Variants in IL16 observed in about 807,000 individuals in gnomAD.
The protein encoded by IL16 is pro-interleukin-16.
Under a neutral mutation model 110.1 loss-of-function variants are expected in IL16, and 67 were observed. The ratio of observed to expected loss-of-function variants is 0.61; its 90% CI spans 0.50 to 0.75. The LOEUF is 0.75. Ranked by LOEUF, IL16 falls within the 30% of genes least tolerant of loss-of-function variation. IL16 has a pLI of 0.00. For synonymous variants in IL16, 689 were observed against 662.9 expected (o/e 1.04, Z -0.61); for missense variants, 1,545 against 1,655.0 (o/e 0.93, Z 1.15).
chr15:81,218,571 T>G (rs1567000738), intron 1 of IL16, among the ~76,000 whole-genome samples: 1 of 152,228 alleles, frequency 6.6e-6, no homozygotes, highest in Admixed American at 6.5e-5. Flanking sequence ...TTTCTCATCA[T>G]AATTGAGACG....
intron 1 of IL16, among the ~76,000 whole-genome samples, chr15:81,216,123 T>C (rs931072409): frequency 3.3e-5 from 5 of 152,128 alleles, no homozygotes; most frequent in Non-Finnish European, 7.4e-5. Context: ...GGCCAGCGCC[T>C]CCCAGAGGGG....
At chr15:81,271,724 G>C (rs1244070811) in intron 5 of IL16, among the ~76,000 whole-genome samples, 1 of 152,104 alleles carries the variant, frequency 6.6e-6, no homozygotes, top group Admixed American at 6.5e-5. Flanking sequence ...CCCTGAAGGG[G>C]CTCCTACCTC....
At chr15:81,215,584 A>T (rs1896396735) in intron 1 of IL16, among the ~76,000 whole-genome samples, 1 of 152,070 alleles carries the variant, frequency 6.6e-6, no homozygotes, top group South Asian at 2.1e-4. Flanking sequence ...GACCCTTTTG[A>T]TCACCAGTTA....
chr15:81,231,285 A>G (rs924896980), intron 2 of IL16, among the ~76,000 whole-genome samples: 10 of 133,640 alleles, frequency 7.5e-5, no homozygotes, highest in Non-Finnish European at 1.3e-4. Context: ...ACCAGAGGAG[A>G]GGAGGGGAGG....
intron 7 of IL16, among the ~76,000 whole-genome samples, chr15:81,279,235 C>T (rs1472854074): frequency 6.6e-6 from 1 of 152,014 alleles, no homozygotes; most frequent in Non-Finnish European, 1.5e-5. Context: ...TGACTCTATC[C>T]ATCCATCTAT....
intron 3 of IL16, 59 bp downstream of exon 3, chr15:81,259,939 A>T: frequency 9.2e-7 from 1 of 1,086,040 alleles, no homozygotes. Flanking sequence ...GGATAGCAGG[A>T]CTATTGGGAG....
At chr15:81,271,450 G>A (rs1303737995) in intron 5 of IL16, among the ~76,000 whole-genome samples, 1 of 152,106 alleles carries the variant, frequency 6.6e-6, no homozygotes, top group Non-Finnish European at 1.5e-5. Context: ...TCCAGTCTGG[G>A]CAGCAGAGGG....
At chr15:81,280,972 A>G (rs142561423) in intron 8 of IL16, among the ~76,000 whole-genome samples, 22 of 152,320 alleles carry the variant, frequency 1.4e-4, no homozygotes, top group African/African-American at 5.1e-4. Context: ...CTCATTTTAT[A>G]TAATGCAGCT....
chr15:81,283,678 A>G (rs1215181560), intron 9 of IL16, among the ~76,000 whole-genome samples: 1 of 152,246 alleles, frequency 6.6e-6, no homozygotes, highest in East Asian at 1.9e-4. Flanking sequence ...AGGTTAATCT[A>G]TGAATTCTAT....
intron 12 of IL16, 21 bp from the exon 13 acceptor site, chr15:81,296,907 C>T (rs753323445): frequency 5.7e-6 from 9 of 1,580,944 alleles, no homozygotes; most frequent in South Asian, 2.3e-5. Flanking sequence ...GACATGGTCT[C>T]GCTTCCTGTT....
At chr15:81,307,178 G>C (rs1343769805) in intron 18 of IL16, among the ~76,000 whole-genome samples, 2 of 152,142 alleles carry the variant, frequency 1.3e-5, no homozygotes, top group African/African-American at 4.8e-5. Context: ...TGATTCTTTG[G>C]TGTTCCTCAA....
chr15:81,249,859 TTTTC>T lies in IL16; in HGVS notation c.313-9909_313-9906del, dbSNP rs564947353. Among the ~76,000 whole-genome samples, 857 of 152,332 alleles carry T rather than the reference TTTTC, an allele frequency of 5.6e-3. 8 individuals are homozygous for T. The highest frequency in any genetic ancestry group is 0.01 in the Non-Finnish European group (681 of 68,018). ...CATGTTTCTTTACCTCTCTTTTATG[TTTTC>T]TTTATGTTGCCATCTGAGTATTTTG... On this transcript the variant is annotated intron_variant, in intron 2 of 18. Transcript: ENST00000683961.
upstream of IL16, among the ~76,000 whole-genome samples, chr15:81,193,193 T>G (rs1164396992): frequency 1.3e-5 from 2 of 152,158 alleles, no homozygotes; most frequent in East Asian, 3.9e-4. Context: ...CTGAGGATTT[T>G]GGCTTGGGAA....
chr15:81,223,507 T>C (rs1301893591), intron 1 of IL16, among the ~76,000 whole-genome samples: 4 of 152,192 alleles, frequency 2.6e-5, no homozygotes, highest in African/African-American at 9.6e-5. Flanking sequence ...AAGAGCCAGA[T>C]TGCCTGGTTT....
In IL16 at chr15:81,303,645, A is replaced by AT; in HGVS notation, c.3417dup (p.Thr1140TyrfsTer22). 1 of 1,608,110 alleles carries AT rather than the reference A, an allele frequency of 6.2e-7. No individual in the cohort carries two copies. ...AGGAGCAGATCTAGAAAACAAGGTG[A>AT]TTACGGTGAGTGGCCAAGTGAAGGG... On this transcript the variant is annotated frameshift_variant, in exon 16 of 19. Transcript: ENST00000683961. LOFTEE classifies it high-confidence loss of function. The surrounding 1 kb of genome is among the most constrained non-coding windows in gnomAD (Gnocchi z 4.1).
At chr15:81,236,388 A>C (rs1038556447) in intron 2 of IL16, among the ~76,000 whole-genome samples, 2 of 152,176 alleles carry the variant, frequency 1.3e-5, no homozygotes, top group Non-Finnish European at 2.9e-5. Flanking sequence ...CATGACTCCC[A>C]CAGAGCCAGC....
At chr15:81,227,838 G>A (rs927050046) in intron 2 of IL16, among the ~76,000 whole-genome samples, 2 of 152,044 alleles carry the variant, frequency 1.3e-5, no homozygotes, top group Non-Finnish European at 2.9e-5. Context: ...GCCAAGGTAG[G>A]GATTTGTTGA....
intron 12 of IL16, among the ~76,000 whole-genome samples, chr15:81,295,903 C>G (rs1395855507): frequency 5.3e-5 from 8 of 152,160 alleles, no homozygotes; most frequent in Admixed American, 5.2e-4. Flanking sequence ...TGGAAGGAAG[C>G]CTGCAGCCAT....
At chr15:81,253,213 T>C (rs1263099262) in intron 2 of IL16, among the ~76,000 whole-genome samples, 1 of 152,198 alleles carries the variant, frequency 6.6e-6, no homozygotes, top group African/African-American at 2.4e-5. Context: ...TTGCATTTCC[T>C]TGATGGCTAA....
Sources: gnomAD v4.1 joint callset for allele counts (sites outside exome capture counted in the v4.1 genomes callset) on GRCh38, gnomAD v4.1.1 for gene constraint, Gnocchi (gnomAD v3.1) non-coding constraint, MANE v1.5 for transcripts, NCBI Gene and HGNC (gene_info 2026-07-23, HGNC 2026-07-21) for gene names.